CTNNA3: variants seen among roughly 807,000 people sequenced by gnomAD.
The protein encoded by CTNNA3 is catenin alpha 3.
Under a neutral mutation model 95.7 loss-of-function variants are expected in CTNNA3, and 76 were observed. The observed-to-expected ratio is 0.79, with a 90% CI of 0.66 to 0.96. The LOEUF (loss-of-function observed/expected upper bound fraction) is 0.96. Ranked by LOEUF, CTNNA3 falls within the 40% of genes least tolerant of loss-of-function variation. The probability of loss-of-function intolerance (pLI) is 0.00; values close to 1 mark genes in which losing one functional copy is unlikely to be tolerated. For synonymous variants in CTNNA3, 431 were observed against 374.4 expected (o/e 1.15, Z -1.74); for missense variants, 1,191 against 1,089.8 (o/e 1.09, Z -1.31).
intron 12 of CTNNA3, among the ~76,000 whole-genome samples, chr10:66,357,792 T>C (rs2092622734): frequency 6.6e-6 from 1 of 152,158 alleles, no homozygotes; most frequent in Admixed American, 6.6e-5. Flanking sequence ...TATGTTTTTA[T>C]CTCTCTTAGG....
intron 11 of CTNNA3, among the ~76,000 whole-genome samples, chr10:66,445,069 C>T (rs1022737464): frequency 3.3e-5 from 5 of 151,902 alleles, no homozygotes; most frequent in African/African-American, 9.7e-5. Context: ...TCAAAAGAGA[C>T]AAAGAAGGCC....
At chr10:66,643,682 C>A (rs971180032) in intron 9 of CTNNA3, among the ~76,000 whole-genome samples, 21 of 152,274 alleles carry the variant, frequency 1.4e-4, no homozygotes, top group African/African-American at 3.8e-4. Context: ...TCTAAGCTTT[C>A]TCTGCTGCAA....
intron 3 of CTNNA3, among the ~76,000 whole-genome samples, chr10:67,562,988 G>A (rs887490337): frequency 1.6e-4 from 24 of 152,154 alleles, no homozygotes; most frequent in African/African-American, 5.5e-4. Context: ...TGAAATAAAA[G>A]AGGATACAAA....
At chr10:67,744,970 C>T (rs1370326718) in intron 1 of CTNNA3, among the ~76,000 whole-genome samples, 1 of 152,038 alleles carries the variant, frequency 6.6e-6, no homozygotes, top group Non-Finnish European at 1.5e-5. Flanking sequence ...TACCATCTCA[C>T]ACCAGTTAGA....
At chr10:66,914,669 A>G (rs1846394596) in intron 7 of CTNNA3, among the ~76,000 whole-genome samples, 1 of 152,182 alleles carries the variant, frequency 6.6e-6, no homozygotes, top group Admixed American at 6.5e-5. Flanking sequence ...GAGCTAACCA[A>G]TATGATCACC....
At chr10:67,188,986 G>A (rs1009234330) in intron 6 of CTNNA3, among the ~76,000 whole-genome samples, 9 of 151,832 alleles carry the variant, frequency 5.9e-5, no homozygotes, top group East Asian at 5.8e-4. Context: ...GCGTGGTGGC[G>A]CATGCCTGTA....
intron 10 of CTNNA3, among the ~76,000 whole-genome samples, chr10:66,598,971 T>C (rs940687661): frequency 1.3e-5 from 2 of 151,888 alleles, no homozygotes; most frequent in Non-Finnish European, 2.9e-5. Flanking sequence ...TCTAGAGGCA[T>C]CACACTCCCT....
At chr10:66,307,193 G>A (rs1217492455) in intron 12 of CTNNA3, among the ~76,000 whole-genome samples, 1 of 152,130 alleles carries the variant, frequency 6.6e-6, no homozygotes, top group Non-Finnish European at 1.5e-5. Context: ...CTTCCTGTAT[G>A]TAAAATGGCC....
chr10:66,236,605 G>A (rs934959083), intron 13 of CTNNA3, among the ~76,000 whole-genome samples: 2 of 152,082 alleles, frequency 1.3e-5, no homozygotes, highest in South Asian at 2.1e-4. Flanking sequence ...CAAATCAGTA[G>A]CAATTTTATA....
At chr10:66,433,577 C>T (rs2093314703) in intron 11 of CTNNA3, among the ~76,000 whole-genome samples, 1 of 152,162 alleles carries the variant, frequency 6.6e-6, no homozygotes, top group Admixed American at 6.5e-5. Flanking sequence ...CAAAAATTTT[C>T]TCCCATTCTG....
chr10:67,370,581 A>G (rs1331585074), intron 5 of CTNNA3, among the ~76,000 whole-genome samples: 1 of 152,172 alleles, frequency 6.6e-6, no homozygotes, highest in African/African-American at 2.4e-5. Flanking sequence ...TTACATCTGT[A>G]GGTTAGGAAT....
At chr10:67,617,143 T>G (rs1270039456) in intron 2 of CTNNA3, among the ~76,000 whole-genome samples, 1 of 152,232 alleles carries the variant, frequency 6.6e-6, no homozygotes, top group Non-Finnish European at 1.5e-5. Context: ...CAGAAGTACA[T>G]GTGTAGGTTT....
chr10:66,773,893 G>A (rs967048644), intron 8 of CTNNA3, among the ~76,000 whole-genome samples: 43 of 152,008 alleles, frequency 2.8e-4, no homozygotes, highest in Admixed American at 5.2e-4. Context: ...CAAGATGCTC[G>A]GTTACATTTG....
At chr10:66,252,652 T>C (rs2090605482) in intron 13 of CTNNA3, among the ~76,000 whole-genome samples, 1 of 152,126 alleles carries the variant, frequency 6.6e-6, no homozygotes, top group African/African-American at 2.4e-5. Flanking sequence ...CAGAAGAAAG[T>C]GGCATCCAAA....
At chr10:66,333,672 G>A (rs202006315) in intron 12 of CTNNA3, among the ~76,000 whole-genome samples, 5 of 151,758 alleles carry the variant, frequency 3.3e-5, no homozygotes, top group African/African-American at 9.7e-5. Context: ...TTTGGAATAG[G>A]TGTGGTGTGG....
chr10:65,928,542 C>T (rs1268499803), intron 17 of CTNNA3, among the ~76,000 whole-genome samples: 2 of 152,180 alleles, frequency 1.3e-5, no homozygotes, highest in African/African-American at 4.8e-5. Flanking sequence ...ACACAGTCTA[C>T]AGGAGATATC....
intron 13 of CTNNA3, among the ~76,000 whole-genome samples, chr10:66,165,616 G>A (rs2085087868): frequency 6.6e-6 from 1 of 151,908 alleles, no homozygotes; most frequent in Non-Finnish European, 1.5e-5. Context: ...AGGAAAAATG[G>A]TGAAATATAT....
At chr10:66,234,486 G>C (rs556058955) in intron 13 of CTNNA3, among the ~76,000 whole-genome samples, 1 of 152,248 alleles carries the variant, frequency 6.6e-6, no homozygotes, top group Non-Finnish European at 1.5e-5. Context: ...TGATCTTTGA[G>C]AAACTTTTAC....
chr10:66,007,573 A>T (rs2078912580), intron 15 of CTNNA3, among the ~76,000 whole-genome samples: 3 of 152,300 alleles, frequency 2.0e-5, no homozygotes, highest in African/African-American at 2.4e-5. Context: ...GCCTTAAAAA[A>T]ATTTGTGCCT....
Sources: gnomAD v4.1 joint callset for allele counts (sites outside exome capture counted in the v4.1 genomes callset) on GRCh38, gnomAD v4.1.1 for gene constraint, MANE v1.5 for transcripts, NCBI Gene and HGNC (gene_info 2026-07-23, HGNC 2026-07-21) for gene names.